Variants in BASP1 observed in about 807,000 individuals in gnomAD.
BASP1 encodes the protein brain abundant membrane attached signal protein 1.
BASP1 carries 1 observed loss-of-function variant against 2.2 expected under a neutral mutation model. The observed-to-expected ratio is 0.46, with a 90% CI of 0.16 to 2.17. The LOEUF is 2.17. Ranked by LOEUF, BASP1 falls within the 30% of genes most tolerant of loss-of-function variation. BASP1 has a pLI of 0.27. For missense variants in BASP1, 352 were observed against 327.2 expected, an observed-to-expected ratio of 1.08 and a Z score of -0.58; for synonymous variants, 187 against 154.2, an observed-to-expected ratio of 1.21 and a Z score of -1.58.
intron 1 of BASP1, among the ~76,000 whole-genome samples, chr5:17,255,573 T>C (rs1310691588): frequency 6.6e-6 from 1 of 152,176 alleles, no homozygotes; most frequent in African/African-American, 2.4e-5. Flanking sequence ...CTGGTGTCGA[T>C]CAGGAAGTGT....
At chr5:17,265,403 T>C (rs1740399317) in intron 1 of BASP1, among the ~76,000 whole-genome samples, 1 of 152,218 alleles carries the variant, frequency 6.6e-6, no homozygotes, top group Admixed American at 6.5e-5. Flanking sequence ...CCTCTGCATA[T>C]CAAACCTTCT....
chr5:17,221,795 AT>A (rs1476270616), intron 1 of BASP1, among the ~76,000 whole-genome samples: 5 of 152,280 alleles, frequency 3.3e-5, no homozygotes, highest in Non-Finnish European at 5.9e-5. Flanking sequence ...CAAATAGAAT[AT>A]TTTGAAAGAT....
In BASP1 at chr5:17,276,175, A is replaced by G; in HGVS notation, c.*275A>G. 1 of 297,082 alleles carries G rather than the reference A, an allele frequency of 3.4e-6. No individual in the cohort carries two copies. 18.4% of individuals were successfully genotyped at this position (297,082 alleles called of 1,614,324 possible). A position where few individuals can be genotyped will look rare whatever the true frequency, so the allele number is the denominator to read the frequency against. ...ATCTAATATACCTTCAGTCAACTTT[A>G]CCAAGAAGTCCTGGATTTCCAAGAT... On this transcript the variant is annotated 3_prime_UTR_variant, in exon 2 of 2. Transcript: ENST00000322611.
chr5:17,267,843 CT>C (rs1213947941), intron 1 of BASP1, among the ~76,000 whole-genome samples: 2 of 58,392 alleles, frequency 3.4e-5, no homozygotes, highest in Admixed American at 4.1e-4. Flanking sequence ...TTTTTTTTTG[CT>C]TTTTAAAATT....
intron 1 of BASP1, among the ~76,000 whole-genome samples, chr5:17,234,348 CA>C (rs1162525167): frequency 6.6e-6 from 1 of 151,232 alleles, no homozygotes; most frequent in Non-Finnish European, 1.5e-5. Context: ...ATTGGATGAG[CA>C]AGATATACAC....
intron 1 of BASP1, among the ~76,000 whole-genome samples, chr5:17,255,151 T>G (rs1057204598): frequency 1.3e-5 from 2 of 152,214 alleles, no homozygotes; most frequent in Non-Finnish European, 1.5e-5. Flanking sequence ...TCTTTCTATG[T>G]TAGTATTTAT....
chr5:17,263,266 C>G (rs1366945797), intron 1 of BASP1, among the ~76,000 whole-genome samples: 1 of 151,946 alleles, frequency 6.6e-6, no homozygotes, highest in Non-Finnish European at 1.5e-5. Context: ...TTATGGGGTA[C>G]AAAGTAGTAT....
intron 1 of BASP1, among the ~76,000 whole-genome samples, chr5:17,272,071 GAAAAAAA>G (rs778258451): frequency 1.7e-5 from 1 of 60,234 alleles, no homozygotes; most frequent in East Asian, 5.5e-4. Flanking sequence ...TGCATTTCAA[GAAAAAAA>G]AAAAAAAAAA....
chr5:17,231,299 C>A (rs1739629396), intron 1 of BASP1, among the ~76,000 whole-genome samples: 1 of 152,150 alleles, frequency 6.6e-6, no homozygotes, highest in South Asian at 2.1e-4. Context: ...CCCCATATGG[C>A]CTCCTTCCTG....
Position 17,236,973 on chromosome 5 carries a change from T to C in BASP1, c.-10+19163T>C, listed in dbSNP as rs1164079647. Among the ~76,000 whole-genome samples the C allele has an allele frequency of 2.0e-5, 3 of 152,226 alleles. No homozygotes were observed. The East Asian group carries it at 5.8e-4, about 29-fold the overall frequency. On this transcript the variant is annotated intron_variant, in intron 1 of 1. Transcript: ENST00000322611. The surrounding 1 kb of genome is among the most constrained non-coding windows in gnomAD (Gnocchi z 4.0). ...TTTCAAAAGCTGAGATTTTTCTGTA[T>C]ACTTTGAAAGCTAATGAAATCTACC... is the stretch of plus-strand genomic sequence containing the variant.
At chr5:17,270,634 G>A (rs949551885) in intron 1 of BASP1, among the ~76,000 whole-genome samples, 2 of 152,162 alleles carry the variant, frequency 1.3e-5, no homozygotes, top group Admixed American at 1.3e-4. Context: ...TCTTTTCATT[G>A]TGGTGCTTCA....
intron 1 of BASP1, among the ~76,000 whole-genome samples, chr5:17,229,661 G>C (rs935305856): frequency 1.3e-5 from 2 of 152,154 alleles, no homozygotes; most frequent in African/African-American, 4.8e-5. Context: ...AGGCACCAAT[G>C]CTCTCCTCCT....
rs1378057110 is a variant in BASP1 at position 17,275,298 on chromosome 5, G to A, written c.82G>A (p.Gly28Ser). ...CAAGGAGAAAGACAAGAAGGCCGAG[G>A]GCGCGGCGACGGAAGAGGAGGGGAC... ...KAKEKDKKAE[G>S]AATEEEGTPK... The change falls in exon 2 of 2, where the codon GGC becomes AGC. Residue 28 changes from glycine (G) to serine (S), a missense_variant. Physicochemically the swap from Gly to Ser is moderately conservative, Grantham distance 56 (BLOSUM62 0). Transcript: ENST00000322611. The surrounding 1 kb of genome is among the most constrained non-coding windows in gnomAD (Gnocchi z 5.3). 6.2e-7 allele frequency: 1 copy of A among 1,613,390 alleles called. No homozygotes were observed.
intron 1 of BASP1, among the ~76,000 whole-genome samples, chr5:17,243,118 C>T (rs2126501896): frequency 6.6e-6 from 1 of 151,330 alleles, no homozygotes; most frequent in Admixed American, 6.6e-5. Context: ...GACAAAAGGG[C>T]ATCATGATAA....
Position 17,275,686 on chromosome 5 carries a change from C to T in BASP1, c.470C>T (p.Pro157Leu). 1 of 1,586,528 alleles carries T rather than the reference C, an allele frequency of 6.3e-7. No individual in the cohort carries two copies. Reference sequence around the variant, plus strand: ...AAAAAGACTGAGGCGCCCGCAGCTCCTGCCGCCCAGGAGACCAAAAGTGAC... The same window carrying T: ...AAAAAGACTGAGGCGCCCGCAGCTCTTGCCGCCCAGGAGACCAAAAGTGAC... ...EPKKTEAPAA[P>L]AAQETKSDGA... Residue 157 changes from proline (P) to leucine (L), a missense_variant, in exon 2 of 2, where the codon CCT becomes CTT. Coordinates refer to ENST00000322611, the MANE Select transcript of BASP1 (RefSeq NM_006317.5). This position sits in a 1 kb window ranked among gnomAD's most constrained non-coding sequence, Gnocchi z 5.3.
intron 1 of BASP1, among the ~76,000 whole-genome samples, chr5:17,223,533 G>A (rs1281114930): frequency 1.3e-5 from 2 of 152,192 alleles, no homozygotes; most frequent in African/African-American, 4.8e-5. Flanking sequence ...AACTCCTCCA[G>A]GTGTGGTTAA....
intron 1 of BASP1, among the ~76,000 whole-genome samples, chr5:17,241,211 T>G (rs977865611): frequency 6.6e-6 from 1 of 152,012 alleles, no homozygotes; most frequent in African/African-American, 2.4e-5. Flanking sequence ...GCGATTCTTG[T>G]GCCTCAGCCT....
At chr5:17,231,668 T>A (rs779495296) in intron 1 of BASP1, among the ~76,000 whole-genome samples, 6 of 152,182 alleles carry the variant, frequency 3.9e-5, no homozygotes, top group Non-Finnish European at 5.9e-5. Context: ...GATCTCAGCT[T>A]AAATGTCACT....
At chr5:17,226,507 A>C (rs1480266468) in intron 1 of BASP1, among the ~76,000 whole-genome samples, 1 of 152,260 alleles carries the variant, frequency 6.6e-6, no homozygotes, top group Non-Finnish European at 1.5e-5. Context: ...GGGGGAAAAC[A>C]GTATCCACTG....
Sources: allele counts gnomAD v4.1 joint callset (sites outside exome capture counted in the v4.1 genomes callset), GRCh38; gene constraint gnomAD v4.1.1; non-coding constraint Gnocchi (gnomAD v3.1); transcripts MANE v1.5; gene names NCBI Gene and HGNC (gene_info 2026-07-23, HGNC 2026-07-21).